WIPF3: variants seen among roughly 807,000 people sequenced by gnomAD.
The protein encoded by WIPF3 is WAS/WASL interacting protein family member 3.
Under a neutral mutation model 38.9 loss-of-function variants are expected in WIPF3, and 33 were observed. The observed-to-expected ratio is 0.85, with a 90% CI of 0.64 to 1.14. The LOEUF is 1.14. Ranked by LOEUF, WIPF3 falls within the 50% of genes most tolerant of loss-of-function variation. The pLI, the probability that WIPF3 is intolerant of heterozygous loss-of-function variation, is 0.00. For missense variants in WIPF3, 711 were observed against 652.5 expected (o/e 1.09, Z -0.98); for synonymous variants, 324 against 269.3 (o/e 1.20, Z -1.99).
At chr7:29,901,209 C>A (rs572038337) in intron 7 of WIPF3, among the ~76,000 whole-genome samples, 1 of 152,214 alleles carries the variant, frequency 6.6e-6, no homozygotes, top group East Asian at 1.9e-4. Flanking sequence ...CTGCAAAGCC[C>A]TTCTGTGGGA....
chr7:29,807,094 G>A (rs1784293741), intron 1 of WIPF3, among the ~76,000 whole-genome samples: 1 of 152,134 alleles, frequency 6.6e-6, no homozygotes, highest in Admixed American at 6.5e-5. Context: ...AAAAGGCTGG[G>A]GTCTCGCTGG....
At chr7:29,808,338 A>G (rs1463086115) in intron 1 of WIPF3, among the ~76,000 whole-genome samples, 1 of 152,230 alleles carries the variant, frequency 6.6e-6, no homozygotes, top group African/African-American at 2.4e-5. Context: ...TGAAACATAC[A>G]CTGCAGATGC....
intron 2 of WIPF3, among the ~76,000 whole-genome samples, chr7:29,840,443 T>C (rs917091832): frequency 4.6e-5 from 7 of 152,232 alleles, no homozygotes; most frequent in Non-Finnish European, 7.3e-5. Context: ...GAGCAGGTAG[T>C]AGTTTTTAAC....
intron 2 of WIPF3, among the ~76,000 whole-genome samples, chr7:29,841,890 GCTTTA>G (rs764481799): frequency 6.6e-6 from 1 of 152,192 alleles, no homozygotes; most frequent in Non-Finnish European, 1.5e-5. Context: ...TATTACTGTT[GCTTTA>G]CTTATAAGAT....
chr7:29,835,729 G>A (rs894918797), intron 2 of WIPF3, among the ~76,000 whole-genome samples: 3 of 152,164 alleles, frequency 2.0e-5, no homozygotes, highest in African/African-American at 2.4e-5. Context: ...GGGGCGTCTC[G>A]CATCCGCTCC....
chr7:29,864,843 T>C (rs1007044310), intron 2 of WIPF3, among the ~76,000 whole-genome samples: 1 of 152,204 alleles, frequency 6.6e-6, no homozygotes, highest in African/African-American at 2.4e-5. Context: ...TTCCATTCTT[T>C]TCTAATTTGA....
At chr7:29,848,872 A>G (rs1785045354) in intron 2 of WIPF3, among the ~76,000 whole-genome samples, 1 of 152,124 alleles carries the variant, frequency 6.6e-6, no homozygotes, top group African/African-American at 2.4e-5. Context: ...GCTCAATTGT[A>G]CTACTCACAT....
chr7:29,879,141 G>A lies in WIPF3; in HGVS notation c.355+1G>A. On this transcript the variant is annotated splice_donor_variant, in intron 4 of 8. Coordinates refer to ENST00000242140, the MANE Select transcript of WIPF3 (RefSeq NM_001080529.3). LOFTEE classifies it high-confidence loss of function. ...CCAGCAGGCCAGCGGGATGTAGCAG[G>A]TAAGGAAGAATTCATTCTGGCTCCC... 1 of 1,609,624 alleles carries A rather than the reference G, an allele frequency of 6.2e-7. No individual in the cohort carries two copies. Among genetic ancestry groups the A allele is most frequent in the Non-Finnish European group, 8.5e-7 (1 of 1,177,374 alleles).
intron 2 of WIPF3, among the ~76,000 whole-genome samples, chr7:29,858,830 G>A (rs1785230371): frequency 6.6e-6 from 1 of 152,164 alleles, no homozygotes. Context: ...CACACTTTAA[G>A]TATACCAGTG....
intron 7 of WIPF3, among the ~76,000 whole-genome samples, chr7:29,897,265 A>T (rs1482647942): frequency 6.6e-6 from 1 of 152,120 alleles, no homozygotes; most frequent in Non-Finnish European, 1.5e-5. Context: ...TCCACCTCTT[A>T]ACTTCTGTGA....
intron 2 of WIPF3, among the ~76,000 whole-genome samples, chr7:29,867,475 C>T (rs938329028): frequency 6.6e-6 from 1 of 151,900 alleles, no homozygotes; most frequent in African/African-American, 2.4e-5. Context: ...GATATGAAAC[C>T]TCACACTGTT....
intron 1 of WIPF3, 56 bp from the exon 2 acceptor site, chr7:29,834,612 T>C: frequency 7.4e-7 from 1 of 1,357,358 alleles, no homozygotes; most frequent in Non-Finnish European, 9.6e-7. Context: ...GATACACATT[T>C]CCTGCATGTA....
In WIPF3 at chr7:29,915,382, C is replaced by G. The variant is rs928444020; in HGVS notation, c.*866C>G. ...CATTATGCTAAACTACCAGTTGTAT[C>G]TCAGAGGTCTCCCCTTCTGCCCTTG... On this transcript the variant is annotated 3_prime_UTR_variant, in exon 9 of 9. Transcript: ENST00000242140. 6.6e-6 allele frequency: 1 copy of G among 152,178 alleles called. No homozygotes were observed. The highest frequency in any genetic ancestry group is 2.4e-5 in the African/African-American group (1 of 41,446). 9.4% of individuals were successfully genotyped at this position (152,178 alleles called of 1,614,324 possible).
intron 2 of WIPF3, among the ~76,000 whole-genome samples, chr7:29,869,990 C>G (rs1785467097): frequency 6.6e-6 from 1 of 152,100 alleles, no homozygotes; most frequent in Non-Finnish European, 1.5e-5. Context: ...AAAGTCATTG[C>G]AGATTTTGAG....
At chr7:29,867,428 TCTTTTTGATAGTA>T (rs1785407718) in intron 2 of WIPF3, among the ~76,000 whole-genome samples, 1 of 152,286 alleles carries the variant, frequency 6.6e-6, no homozygotes, top group African/African-American at 2.4e-5. Context: ...GGGGCATGTT[TCTTTTTGATAGTA>T]CTTTTTGTCT....
At chr7:29,890,339 G>A (rs1281986202) in intron 7 of WIPF3, among the ~76,000 whole-genome samples, 1 of 141,586 alleles carries the variant, frequency 7.1e-6, no homozygotes, top group Admixed American at 7.2e-5. Context: ...ATGACAGAGT[G>A]AGACTCTGTA....
intron 8 of WIPF3, among the ~76,000 whole-genome samples, chr7:29,908,346 T>C (rs1377893939): frequency 6.6e-6 from 1 of 152,088 alleles, no homozygotes; most frequent in Non-Finnish European, 1.5e-5. Context: ...ACCATCAAAA[T>C]GCATGAAGCA....
chr7:29,838,079 C>T (rs868608534), intron 2 of WIPF3, among the ~76,000 whole-genome samples: 25 of 152,258 alleles, frequency 1.6e-4, no homozygotes, highest in Admixed American at 4.6e-4. Flanking sequence ...CCACCACGCC[C>T]GGCTAATTTT....
chr7:29,830,389 CAT>C (rs1391842562), intron 1 of WIPF3, among the ~76,000 whole-genome samples: 2 of 151,874 alleles, frequency 1.3e-5, no homozygotes, highest in Non-Finnish European at 2.9e-5. Flanking sequence ...TGACCTGAAT[CAT>C]ATCAAGCTAA....
Sources: allele counts gnomAD v4.1 joint callset (sites outside exome capture counted in the v4.1 genomes callset), GRCh38; gene constraint gnomAD v4.1.1; transcripts MANE v1.5; gene names NCBI Gene and HGNC (gene_info 2026-07-23, HGNC 2026-07-21).